TIAM1: variants seen among roughly 807,000 people sequenced by gnomAD.
The protein encoded by TIAM1 is rho guanine nucleotide exchange factor TIAM1.
TIAM1 carries 65 observed loss-of-function variants against 163.5 expected under a neutral mutation model. The observed-to-expected ratio is 0.40, with a 90% CI of 0.33 to 0.49. The LOEUF (loss-of-function observed/expected upper bound fraction) is 0.49. Among genes scored for constraint, TIAM1 ranks in the 20% least tolerant of loss-of-function variants. The probability of loss-of-function intolerance (pLI) is 0.77; values close to 1 mark genes in which losing one functional copy is unlikely to be tolerated. For synonymous variants in TIAM1, 833 were observed against 810.1 expected (o/e 1.03, Z -0.48); for missense variants, 1,789 against 2,044.7 (o/e 0.87, Z 2.41).
chr21:31,502,652 C>T (rs2046885522), intron 1 of TIAM1, among the ~76,000 whole-genome samples: 1 of 152,216 alleles, frequency 6.6e-6, no homozygotes, highest in African/African-American at 2.4e-5. Context: ...ATTCAGGACG[C>T]TGCCTTAAGA....
chr21:31,163,388 G>GT (rs1295846880), intron 16 of TIAM1, among the ~76,000 whole-genome samples: 1 of 152,144 alleles, frequency 6.6e-6, no homozygotes. Flanking sequence ...TAAGCAGTTG[G>GT]TTTTTTAAAT....
chr21:31,234,010 G>C (rs983664632), intron 6 of TIAM1, among the ~76,000 whole-genome samples: 1 of 152,182 alleles, frequency 6.6e-6, no homozygotes, highest in South Asian at 2.1e-4. Context: ...GTCTGTCCAT[G>C]CTATGAAAGG....
In TIAM1 at chr21:31,427,058, C is replaced by CTA. The variant is rs556659550; in HGVS notation, c.-369+36923_-369+36924dup. Among the ~76,000 whole-genome samples, 37 of 152,202 alleles carry CTA rather than the reference C, an allele frequency of 2.4e-4. 1 individual carries two copies. The East Asian group carries it at 7.2e-3, about 29-fold the overall frequency. On this transcript the variant is annotated intron_variant, in intron 2 of 28. Transcript: ENST00000286827. ...ACCTCAGCCTCCTGAGTAGCTAAGA[C>CTA]TACAGGTGTGTGCCACCATGCCTGG...
chr21:31,129,875 A>G (rs2082340985), intron 25 of TIAM1, among the ~76,000 whole-genome samples: 1 of 152,204 alleles, frequency 6.6e-6, no homozygotes, highest in Non-Finnish European at 1.5e-5. Flanking sequence ...GGATTCTTTC[A>G]AGAAGCACAG....
rs1320877051 is a variant in TIAM1, at chr21:31,395,145, C to T, written c.-368-55723G>A. On this transcript the variant is annotated intron_variant, in intron 2 of 28. Coordinates refer to the TIAM1 transcript ENST00000286827. The surrounding 1 kb of genome is among the most constrained non-coding windows in gnomAD (Gnocchi z 7.5). The stretch of plus-strand genomic sequence containing the variant: ...CCCAGCTACTTGGGAGGCTGCGGCA[C>T]CAGAATTGCTTGAGCCTGGGAGGCA... Among the ~76,000 whole-genome samples, 1 of 151,776 alleles carries T rather than the reference C, an allele frequency of 6.6e-6. No individual in the cohort carries two copies. The highest frequency in any genetic ancestry group is 1.9e-4 in the East Asian group (1 of 5,166).
chr21:31,253,458 T>C (rs1043608348), intron 4 of TIAM1, among the ~76,000 whole-genome samples: 8 of 152,236 alleles, frequency 5.3e-5, no homozygotes, highest in African/African-American at 1.9e-4. Flanking sequence ...AATACTGGCC[T>C]ACACAAGGCC....
intron 2 of TIAM1, among the ~76,000 whole-genome samples, chr21:31,329,821 G>C (rs80113270): frequency 0.03 from 4,573 of 152,268 alleles, 206 homozygotes; most frequent in African/African-American, 0.099. Flanking sequence ...GATGTCATGA[G>C]TAGAATGCAG....
chr21:31,500,548 T>A (rs901678405), intron 1 of TIAM1, among the ~76,000 whole-genome samples: 5 of 152,164 alleles, frequency 3.3e-5, no homozygotes, highest in African/African-American at 9.7e-5. Flanking sequence ...AATATGACCT[T>A]ATCTGGAAAC....
chr21:31,306,300 T>A (rs1275855180), intron 2 of TIAM1, among the ~76,000 whole-genome samples: 12 of 151,432 alleles, frequency 7.9e-5, no homozygotes, highest in Admixed American at 6.6e-4. Flanking sequence ...AAAAAATCAA[T>A]AAATAATACT....
At chr21:31,556,020 G>C (rs1049845759) in intron 1 of TIAM1, among the ~76,000 whole-genome samples, 1 of 152,052 alleles carries the variant, frequency 6.6e-6, no homozygotes, top group Non-Finnish European at 1.5e-5. Flanking sequence ...GTCTTTGTCC[G>C]GGCTCTTTGG....
intron 1 of TIAM1, among the ~76,000 whole-genome samples, chr21:31,512,724 C>T (rs1350259919): frequency 1.3e-5 from 2 of 150,744 alleles, no homozygotes; most frequent in African/African-American, 4.9e-5. Flanking sequence ...CTCAAGCAAT[C>T]CTCCCGCCTC....
chr21:31,349,621 A>C (rs957526511), intron 2 of TIAM1, among the ~76,000 whole-genome samples: 1 of 152,238 alleles, frequency 6.6e-6, no homozygotes, highest in Non-Finnish European at 1.5e-5. Flanking sequence ...GAAGACAAAA[A>C]GTCAAGTTCT....
Position 31,225,630 on chromosome 21 carries a change from G to A in TIAM1, c.1809+96C>T, listed in dbSNP as rs569672914. 8.7e-4 allele frequency: 845 copies of A among 968,436 alleles called. 1 individual carries two copies. Among genetic ancestry groups the A allele is most frequent in the Non-Finnish European group, 1.1e-3 (696 of 647,262 alleles). The allele number at this position is 968,436 out of a possible 1,614,324, so 60.0% of individuals were successfully genotyped here. A position where few individuals can be genotyped will look rare whatever the true frequency, so the allele number is the denominator to read the frequency against. ...ATGACAGGCTGTCGAGGAGATATCC[G>A]ATGATGTTTCACGATTCCAAAACAG... On this transcript the variant is annotated intron_variant, in intron 7 of 27. Transcript: ENST00000541036.
intron 2 of TIAM1, among the ~76,000 whole-genome samples, chr21:31,424,019 T>C (rs2043693119): frequency 6.6e-6 from 1 of 152,178 alleles, no homozygotes; most frequent in South Asian, 2.1e-4. Flanking sequence ...GCACGGTGTG[T>C]GAATTATATC....
intron 2 of TIAM1, among the ~76,000 whole-genome samples, chr21:31,402,302 A>G: frequency 6.6e-6 from 1 of 152,186 alleles, no homozygotes; most frequent in East Asian, 1.9e-4. Flanking sequence ...ATTGGACTAG[A>G]GCAACATTGC....
intron 19 of TIAM1, among the ~76,000 whole-genome samples, chr21:31,147,709 TTATATAATATATAAAA>T (rs889527061): frequency 2.8e-5 from 4 of 144,022 alleles, no homozygotes; most frequent in South Asian, 2.1e-4. Context: ...AATATATATT[TTATATAATATATAAAA>T]TATATAATAT....
chr21:31,337,518 G>GTTATTGTTGTTATTATTATTATTATTA (rs1555946494), intron 2 of TIAM1, among the ~76,000 whole-genome samples: 1 of 147,258 alleles, frequency 6.8e-6, no homozygotes, highest in South Asian at 2.2e-4. Context: ...TATTATTGTT[G>GTTATTGTTGTTATTATTATTATTATTA]TTATTATTAT....
chr21:31,144,978 T>C (rs777785583), intron 20 of TIAM1, among the ~76,000 whole-genome samples: 3 of 152,060 alleles, frequency 2.0e-5, no homozygotes, highest in Non-Finnish European at 2.9e-5. Context: ...AATTGAGTGA[T>C]TAAAAATAAC....
At chr21:31,262,705 C>A (rs1395718630) in intron 4 of TIAM1, among the ~76,000 whole-genome samples, 3 of 152,158 alleles carry the variant, frequency 2.0e-5, no homozygotes, top group African/African-American at 2.4e-5. Flanking sequence ...CATTTTTGAT[C>A]ATTTTCAAAT....
Sources: gnomAD v4.1 joint callset for allele counts (sites outside exome capture counted in the v4.1 genomes callset) on GRCh38, gnomAD v4.1.1 for gene constraint, Gnocchi (gnomAD v3.1) non-coding constraint, MANE v1.5 for transcripts, NCBI Gene and HGNC (gene_info 2026-07-23, HGNC 2026-07-21) for gene names.